SETD3: variants seen among roughly 807,000 people sequenced by gnomAD.
The protein encoded by SETD3 is actin-histidine N-methyltransferase.
SETD3 carries 19 observed loss-of-function variants against 63.0 expected under a neutral mutation model. That is an observed-to-expected ratio of 0.30 (90% confidence interval 0.21 to 0.44). The LOEUF is 0.44. Among genes scored for constraint, SETD3 ranks in the 20% least tolerant of loss-of-function variants. The probability of loss-of-function intolerance (pLI) is 1.00; values close to 1 mark genes in which losing one functional copy is unlikely to be tolerated. For missense variants in SETD3, 587 were observed against 728.5 expected, an observed-to-expected ratio of 0.81 and a Z score of 2.24; for synonymous variants, 286 against 264.1, an observed-to-expected ratio of 1.08 and a Z score of -0.80.
intron 6 of SETD3, among the ~76,000 whole-genome samples, chr14:99,414,283 A>G (rs993188994): frequency 6.6e-6 from 1 of 152,264 alleles, no homozygotes; most frequent in Admixed American, 6.5e-5. Context: ...AGAGCCGCCC[A>G]AGCCAGGTCC....
In SETD3 at chr14:99,470,849, G is replaced by A. The variant is rs574255142; in HGVS notation, c.-8-5036C>T. On this transcript the variant is annotated intron_variant, in intron 1 of 12. Coordinates refer to ENST00000331768, the MANE Select transcript of SETD3 (RefSeq NM_032233.3). ...AAGGCAGACGCCCTATATGTACTCC[G>A]TTCAGCCCTAAAACATCAGGTTTTC... Among the ~76,000 whole-genome samples the A allele has an allele frequency of 8.5e-5, 13 of 152,176 alleles. No homozygotes were observed. In the South Asian group the frequency reaches 1.7e-3, roughly 19 times the overall value.
chr14:99,427,562 G>A (rs1001861601), intron 6 of SETD3, among the ~76,000 whole-genome samples: 3 of 152,138 alleles, frequency 2.0e-5, no homozygotes, highest in African/African-American at 7.2e-5. Flanking sequence ...GATAAAGGAG[G>A]CCAAGGCATA....
At chr14:99,437,711 T>C (rs576853605) in intron 6 of SETD3, among the ~76,000 whole-genome samples, 27 of 152,296 alleles carry the variant, frequency 1.8e-4, no homozygotes, top group South Asian at 1.7e-3. Flanking sequence ...CACAGAAAGA[T>C]TGATTCGTCT....
intron 6 of SETD3, among the ~76,000 whole-genome samples, chr14:99,434,722 CT>C (rs1465349066): frequency 1.3e-5 from 2 of 151,870 alleles, no homozygotes; most frequent in African/African-American, 4.8e-5. Flanking sequence ...TGGCGCAAGC[CT>C]GTAATCCCAG....
chr14:99,407,624 A>G (rs1891756871), intron 8 of SETD3, among the ~76,000 whole-genome samples: 1 of 152,054 alleles, frequency 6.6e-6, no homozygotes, highest in African/African-American at 2.4e-5. Context: ...GCTTCCCTCC[A>G]GCTTCAGGAA....
chr14:99,415,207 G>A (rs1892227288), intron 6 of SETD3, among the ~76,000 whole-genome samples: 1 of 152,130 alleles, frequency 6.6e-6, no homozygotes, highest in African/African-American at 2.4e-5. Flanking sequence ...CTAGGAAGTG[G>A]GAAAGTGTTG....
At chr14:99,458,257 T>G in intron 6 of SETD3, 22 bp downstream of exon 6, 1 of 1,601,856 alleles carries the variant, frequency 6.2e-7, no homozygotes, top group Non-Finnish European at 8.5e-7. Flanking sequence ...AATATATACT[T>G]AAATTGCAAA....
chr14:99,453,905 A>G (rs1894607308), intron 6 of SETD3, among the ~76,000 whole-genome samples: 1 of 152,192 alleles, frequency 6.6e-6, no homozygotes, highest in African/African-American at 2.4e-5. Context: ...ACCCATGTTA[A>G]GTGACTGTCA....
intron 8 of SETD3, among the ~76,000 whole-genome samples, chr14:99,408,796 C>T (rs375600287): frequency 2.0e-5 from 3 of 152,148 alleles, no homozygotes; most frequent in East Asian, 1.9e-4. Context: ...TCCTCTAGGA[C>T]GGTATCAAGT....
chr14:99,481,286 C>G (rs1235047319), upstream of SETD3: 7 of 393,248 alleles, frequency 1.8e-5, no homozygotes, highest in East Asian at 3.6e-5. Context: ...GGGAGGAGAG[C>G]GGCGGCTCGT....
At chr14:99,452,956 T>C (rs1203570184) in intron 6 of SETD3, among the ~76,000 whole-genome samples, 3 of 152,218 alleles carry the variant, frequency 2.0e-5, no homozygotes, top group Admixed American at 2.0e-4. Context: ...AATGAGGTTC[T>C]TGAATTTGGA....
chr14:99,471,154 C>A (rs1326538908), intron 1 of SETD3, among the ~76,000 whole-genome samples: 4 of 152,148 alleles, frequency 2.6e-5, no homozygotes, highest in East Asian at 1.9e-4. Flanking sequence ...AGAAAAAAAA[C>A]CAAAGCTTCC....
chr14:99,471,173 A>G (rs778476993), intron 1 of SETD3, among the ~76,000 whole-genome samples: 2 of 152,188 alleles, frequency 1.3e-5, no homozygotes, highest in Non-Finnish European at 2.9e-5. Flanking sequence ...CCATCTCTAT[A>G]TTACCCATAG....
At chr14:99,418,278 CA>C (rs2139655728) in intron 6 of SETD3, among the ~76,000 whole-genome samples, 1 of 152,184 alleles carries the variant, frequency 6.6e-6, no homozygotes, top group East Asian at 1.9e-4. Flanking sequence ...TAATGCCATG[CA>C]ATTAAATTTT....
intron 6 of SETD3, among the ~76,000 whole-genome samples, chr14:99,453,670 C>CA (rs1894590206): frequency 6.6e-6 from 1 of 151,944 alleles, no homozygotes; most frequent in Non-Finnish European, 1.5e-5. Flanking sequence ...ACTAAAAATA[C>CA]AAAAAATTAG....
At chr14:99,423,735 T>G (rs1048296325) in intron 6 of SETD3, among the ~76,000 whole-genome samples, 1 of 151,890 alleles carries the variant, frequency 6.6e-6, no homozygotes, top group Non-Finnish European at 1.5e-5. Flanking sequence ...TGTCTTAAAC[T>G]GAACAGGGTA....
chr14:99,399,651 A>AT (rs1891273971), intron 12 of SETD3, among the ~76,000 whole-genome samples: 1 of 152,046 alleles, frequency 6.6e-6, no homozygotes, highest in Admixed American at 6.5e-5. Context: ...CCTAAATATG[A>AT]TTTTTTGGGA....
chr14:99,411,250 T>C (rs1385741718), intron 8 of SETD3: 2 of 152,202 alleles, frequency 1.3e-5, no homozygotes, highest in Non-Finnish European at 2.9e-5. Context: ...AAAAAGTATG[T>C]AGTCGTATTA....
At chr14:99,486,191 G>C in the SETD3 span, among the ~76,000 whole-genome samples, 4 of 152,040 alleles carry the variant, frequency 2.6e-5, no homozygotes, top group African/African-American at 9.7e-5. Context: ...TACCATCTCT[G>C]GTTTAAAGCT....
Sources: allele counts gnomAD v4.1 joint callset (sites outside exome capture counted in the v4.1 genomes callset), GRCh38; gene constraint gnomAD v4.1.1; transcripts MANE v1.5; gene names NCBI Gene and HGNC (gene_info 2026-07-23, HGNC 2026-07-21).